DESI2: variants seen among roughly 807,000 people sequenced by gnomAD.
DESI2 encodes deubiquitinase DESI2.
A neutral mutation model predicts 24.1 loss-of-function variants in DESI2; 10 were observed. The ratio of observed to expected loss-of-function variants is 0.41; its 90% CI spans 0.26 to 0.70. The LOEUF (loss-of-function observed/expected upper bound fraction) is 0.70, where lower values mean the gene tolerates loss of function less well. Ranked by LOEUF, DESI2 falls within the 30% of genes least tolerant of loss-of-function variation. DESI2 has a pLI of 0.29. For synonymous variants in DESI2, 71 were observed against 87.7 expected, an observed-to-expected ratio of 0.81 and a Z score of 1.06; for missense variants, 122 against 234.9, an observed-to-expected ratio of 0.52 and a Z score of 3.14.
chr1:244,662,831 A>G (rs1038211905), intron 1 of DESI2, among the ~76,000 whole-genome samples: 4 of 152,190 alleles, frequency 2.6e-5, no homozygotes, highest in South Asian at 2.1e-4. Context: ...GCAAACATCA[A>G]GGCTGTAAAT....
At chr1:244,660,361 T>G (rs1009683986) in intron 1 of DESI2, among the ~76,000 whole-genome samples, 1 of 152,120 alleles carries the variant, frequency 6.6e-6, no homozygotes, top group South Asian at 2.1e-4. Context: ...AGAGGCAGGG[T>G]TTCACCATGT....
chr1:244,679,037 CTCTTTTTT>C (rs1173171525), intron 1 of DESI2, among the ~76,000 whole-genome samples: 4 of 152,012 alleles, frequency 2.6e-5, no homozygotes, highest in African/African-American at 4.8e-5. Context: ...CACTCTTTTT[CTCTTTTTT>C]TCTTTTTTTT....
At chr1:244,672,902 C>T (rs1244308540) in intron 1 of DESI2, among the ~76,000 whole-genome samples, 1 of 150,644 alleles carries the variant, frequency 6.6e-6, no homozygotes, top group Non-Finnish European at 1.5e-5. Flanking sequence ...ATAATAATAG[C>T]AGTTATTTCA....
At chr1:244,700,685 C>T (rs1020253116) in intron 4 of DESI2, among the ~76,000 whole-genome samples, 3 of 152,174 alleles carry the variant, frequency 2.0e-5, no homozygotes, top group Non-Finnish European at 2.9e-5. Context: ...TACTACAAAT[C>T]TGGGCTACAG....
intron 1 of DESI2, among the ~76,000 whole-genome samples, chr1:244,680,153 C>A (rs904299690): frequency 6.6e-6 from 1 of 151,278 alleles, no homozygotes; most frequent in Non-Finnish European, 1.5e-5. Context: ...TTTTTAAAAA[C>A]CAAGCCATCC....
chr1:244,670,802 C>T (rs987187369), intron 1 of DESI2, among the ~76,000 whole-genome samples: 4 of 152,198 alleles, frequency 2.6e-5, no homozygotes, highest in African/African-American at 9.7e-5. Context: ...CAAACCAAGG[C>T]AAAGCACATA....
At chr1:244,656,750 T>C (rs570473590) in intron 1 of DESI2, among the ~76,000 whole-genome samples, 1 of 152,352 alleles carries the variant, frequency 6.6e-6, no homozygotes, top group Non-Finnish European at 1.5e-5. Flanking sequence ...TGCAAATTCA[T>C]TGTGTTAACA....
In DESI2 at chr1:244,653,251, G is replaced by A; in HGVS notation, c.-63G>A. The stretch of plus-strand genomic sequence containing the variant: ...CCCTGAAGCGCCCGCGGGGGTGAGA[G>A]CGGCCTCCGGCCCCGCGGAGACGGA... On this transcript the variant is annotated 5_prime_UTR_variant, in exon 1 of 5. Coordinates refer to ENST00000302550, the MANE Select transcript of DESI2 (RefSeq NM_016076.5). The A allele has an allele frequency of 6.9e-7, 1 of 1,440,374 alleles. No homozygotes were observed. Among genetic ancestry groups the A allele is most frequent in the African/African-American group, 1.5e-5 (1 of 67,032 alleles). 89.2% of individuals were successfully genotyped at this position (1,440,374 alleles called of 1,614,324 possible).
intron 1 of DESI2, among the ~76,000 whole-genome samples, chr1:244,660,127 G>C (rs1316748521): frequency 1.3e-5 from 2 of 151,936 alleles, no homozygotes; most frequent in Non-Finnish European, 2.9e-5. Context: ...CTACTATTTA[G>C]ATGAATTCTT....
At chr1:244,653,950 C>T (rs907966913) in intron 1 of DESI2, 2 of 471,108 alleles carry the variant, frequency 4.2e-6, no homozygotes, top group Non-Finnish European at 4.4e-6. Context: ...TAACATTTCT[C>T]AAGAAAATAG....
intron 1 of DESI2, among the ~76,000 whole-genome samples, chr1:244,683,588 G>C (rs1212634099): frequency 6.6e-6 from 1 of 152,196 alleles, no homozygotes; most frequent in East Asian, 1.9e-4. Flanking sequence ...TGGGATTACA[G>C]GCGTGAGCCA....
intron 1 of DESI2, among the ~76,000 whole-genome samples, chr1:244,661,742 T>C (rs1675852284): frequency 6.6e-6 from 1 of 152,228 alleles, no homozygotes; most frequent in Non-Finnish European, 1.5e-5. Context: ...CATGAACTCA[T>C]CATTTTTTAT....
rs145736376 is a variant in DESI2, at chr1:244,653,578, CG to C, written c.42+226del. ...CAGCCCGAGGGTTTTGGCCAAAGCT[CG>C]GGTGGGCTTGAACCTCTCCCATCCG... On this transcript the variant is annotated intron_variant, in intron 1 of 4. Coordinates refer to ENST00000302550, the MANE Select transcript of DESI2 (RefSeq NM_016076.5). 7.7e-3 allele frequency: 4,081 copies of C among 530,858 alleles called. 109 individuals carry two copies. The highest frequency in any genetic ancestry group is 0.053 in the African/African-American group (2,610 of 49,574). 32.9% of individuals were successfully genotyped at this position (530,858 alleles called of 1,614,324 possible). A position where few individuals can be genotyped will look rare whatever the true frequency, so the allele number is the denominator to read the frequency against.
At chr1:244,658,305 C>G (rs1445388809) in intron 1 of DESI2, among the ~76,000 whole-genome samples, 2 of 152,176 alleles carry the variant, frequency 1.3e-5, no homozygotes, top group East Asian at 3.8e-4. Flanking sequence ...TATTCTCACA[C>G]AGTGAAATTT....
At chr1:244,663,201 T>C (rs1470839167) in intron 1 of DESI2, among the ~76,000 whole-genome samples, 2 of 152,108 alleles carry the variant, frequency 1.3e-5, no homozygotes, top group Non-Finnish European at 2.9e-5. Flanking sequence ...TTTCCTTTTT[T>C]TTGACATGGA....
intron 1 of DESI2, among the ~76,000 whole-genome samples, chr1:244,672,874 G>GTAATAATAA (rs55850553): frequency 6.0e-5 from 9 of 149,558 alleles, no homozygotes; most frequent in Admixed American, 4.7e-4. Flanking sequence ...GACTCTGTCT[G>GTAATAATAA]TAATAATAAT....
chr1:244,666,556 C>G (rs552335997), intron 1 of DESI2, among the ~76,000 whole-genome samples: 24 of 152,262 alleles, frequency 1.6e-4, no homozygotes, highest in African/African-American at 5.8e-4. Context: ...GAAGGTTTGT[C>G]TTTTTAAATG....
chr1:244,700,197 T>G (rs1340763495), intron 4 of DESI2, among the ~76,000 whole-genome samples: 1 of 152,194 alleles, frequency 6.6e-6, no homozygotes, highest in South Asian at 2.1e-4. Context: ...CTATGTCCTA[T>G]GAGTCCTCTA....
chr1:244,667,764 GGTTTAGGGCTCTCACCT>G (rs1676096872), intron 1 of DESI2, among the ~76,000 whole-genome samples: 1 of 152,132 alleles, frequency 6.6e-6, no homozygotes, highest in Non-Finnish European at 1.5e-5. Context: ...CTAGTGCAAT[GGTTTAGGGCTCTCACCT>G]GTCACCTGAC....
Sources: gnomAD v4.1 joint callset for allele counts (sites outside exome capture counted in the v4.1 genomes callset) on GRCh38, gnomAD v4.1.1 for gene constraint, MANE v1.5 for transcripts, NCBI Gene and HGNC (gene_info 2026-07-23, HGNC 2026-07-21) for gene names.